PRKAR2A: variants seen among roughly 807,000 people sequenced by gnomAD.
PRKAR2A encodes cAMP-dependent protein kinase type II-alpha regulatory subunit.
In PRKAR2A, 29 loss-of-function variants were observed where a neutral mutation model predicts 51.9. The observed-to-expected ratio is 0.56, with a 90% CI of 0.42 to 0.76. PRKAR2A has a LOEUF of 0.76. Among genes scored for constraint, PRKAR2A ranks in the 30% least tolerant of loss-of-function variants. PRKAR2A has a pLI of 0.00. For missense variants in PRKAR2A, 445 were observed against 512.1 expected (o/e 0.87, Z 1.26); for synonymous variants, 178 against 186.2 (o/e 0.96, Z 0.36).
At chr3:48,806,948 C>T (rs913266749) in intron 2 of PRKAR2A, among the ~76,000 whole-genome samples, 1 of 151,688 alleles carries the variant, frequency 6.6e-6, no homozygotes, top group Non-Finnish European at 1.5e-5. Context: ...TTTTTTTGTA[C>T]TTTTAGTAGA....
intron 2 of PRKAR2A, 143 bp downstream of exon 2, chr3:48,807,504 CAG>C: frequency 9.4e-6 from 6 of 635,674 alleles, no homozygotes; most frequent in Non-Finnish European, 1.4e-5. Flanking sequence ...AAAATAAAAA[CAG>C]AATAAAGAAA....
At chr3:48,842,162 T>C (rs952876987) in intron 1 of PRKAR2A, among the ~76,000 whole-genome samples, 3 of 152,184 alleles carry the variant, frequency 2.0e-5, no homozygotes, top group African/African-American at 7.2e-5. Flanking sequence ...GGTATTTTAT[T>C]CTCTTTGAAG....
intron 1 of PRKAR2A, among the ~76,000 whole-genome samples, chr3:48,813,089 G>A (rs140838075): frequency 5.3e-5 from 8 of 152,120 alleles, no homozygotes; most frequent in African/African-American, 1.4e-4. Context: ...TAGAAATTTG[G>A]GCAAGAGAGC....
chr3:48,798,259 A>T (rs1461029534), intron 2 of PRKAR2A, among the ~76,000 whole-genome samples: 1 of 152,072 alleles, frequency 6.6e-6, no homozygotes, highest in Non-Finnish European at 1.5e-5. Context: ...AGCCTCCTAG[A>T]CATTTCTATT....
At chr3:48,775,590 C>T (rs1445369506) in intron 5 of PRKAR2A, among the ~76,000 whole-genome samples, 1 of 151,164 alleles carries the variant, frequency 6.6e-6, no homozygotes, top group African/African-American at 2.4e-5. Context: ...TCAGTTTCTG[C>T]AAGATAATTA....
chr3:48,785,746 A>C (rs1482056572), intron 4 of PRKAR2A, among the ~76,000 whole-genome samples: 1 of 152,146 alleles, frequency 6.6e-6, no homozygotes, highest in Non-Finnish European at 1.5e-5. Flanking sequence ...TTAGTGGTGA[A>C]GGGTCATGAT....
chr3:48,793,249 T>C (rs1229898053), intron 3 of PRKAR2A, among the ~76,000 whole-genome samples: 2 of 152,168 alleles, frequency 1.3e-5, no homozygotes, highest in African/African-American at 2.4e-5. Context: ...GAATGTACCA[T>C]AATTTAGGCC....
chr3:48,750,385 T>A lies in PRKAR2A; in HGVS notation c.*1200A>T, dbSNP rs556082333. 834 of 152,376 alleles carry A rather than the reference T, an allele frequency of 5.5e-3. 4 individuals carry two copies. Among genetic ancestry groups the A allele is most frequent in the Middle Eastern group, 0.024 (7 of 294 alleles). The allele number at this position is 152,376 out of a possible 1,614,324, so 9.4% of individuals were successfully genotyped here. On this transcript the variant is annotated 3_prime_UTR_variant, in exon 11 of 11. Coordinates refer to ENST00000265563, the MANE Select transcript of PRKAR2A (RefSeq NM_004157.4). ...TCTCAAAAAGAAAACAAAAAAAAAATTTTTGTTTTTGTAGAGACAGGATCT... is the reference window on the plus strand; with the variant it reads ...TCTCAAAAAGAAAACAAAAAAAAAAATTTTGTTTTTGTAGAGACAGGATCT...
In PRKAR2A at chr3:48,795,197, C is replaced by T. The variant is rs559260533; in HGVS notation, c.299-1148G>A. Reference sequence around the variant, plus strand: ...TTCACCGTGTTAGCCAGGATGGTCTCGATCTCCTGACCTCAACCACCCGCC... The same window carrying T: ...TTCACCGTGTTAGCCAGGATGGTCTTGATCTCCTGACCTCAACCACCCGCC... On this transcript the variant is annotated intron_variant, in intron 2 of 10. Coordinates refer to ENST00000265563, the MANE Select transcript of PRKAR2A (RefSeq NM_004157.4). 2.0e-3 allele frequency among the ~76,000 whole-genome samples: 304 copies of T among 152,176 alleles called. 2 individuals are homozygous for T. Among genetic ancestry groups the T allele is most frequent in the African/African-American group, 6.9e-3 (287 of 41,538 alleles).
At chr3:48,772,837 T>G (rs1293442537) in intron 6 of PRKAR2A, 118 bp downstream of exon 6, 27 of 1,080,074 alleles carry the variant, frequency 2.5e-5, no homozygotes, top group Non-Finnish European at 2.9e-5. Flanking sequence ...AGAGATGGGG[T>G]TTCACCGTGT....
chr3:48,829,265 T>C (rs2107431651), intron 1 of PRKAR2A, among the ~76,000 whole-genome samples: 1 of 150,420 alleles, frequency 6.6e-6, no homozygotes, highest in Middle Eastern at 3.4e-3. Flanking sequence ...ACGCCTGTAA[T>C]CCCAGCGCTT....
chr3:48,816,694 C>T (rs2082880457), intron 1 of PRKAR2A, among the ~76,000 whole-genome samples: 1 of 152,134 alleles, frequency 6.6e-6, no homozygotes, highest in Admixed American at 6.6e-5. Context: ...AAACTTCAGC[C>T]TGCAGATAGT....
chr3:48,784,723 A>T (rs1410626201), intron 4 of PRKAR2A, among the ~76,000 whole-genome samples: 3 of 152,240 alleles, frequency 2.0e-5, no homozygotes, highest in African/African-American at 4.8e-5. Context: ...AAATACAGTA[A>T]GTCCTCAATG....
intron 5 of PRKAR2A, among the ~76,000 whole-genome samples, chr3:48,775,579 T>G (rs1285322103): frequency 6.6e-6 from 1 of 151,432 alleles, no homozygotes; most frequent in Non-Finnish European, 1.5e-5. Context: ...ACATAAACTT[T>G]TCAGTTTCTG....
At chr3:48,773,350 T>TC (rs2082058233) in intron 5 of PRKAR2A, among the ~76,000 whole-genome samples, 1 of 142,284 alleles carries the variant, frequency 7.0e-6, no homozygotes, top group African/African-American at 2.6e-5. Context: ...TTTTTTTTTT[T>TC]TTTTTTTTTT....
rs551947827 is a variant in PRKAR2A, at chr3:48,821,425, T to C, written c.263-13741A>G. ...ATTTTCCAATCAAAACTCTTACTGA[T>C]AATCCAATTTCCCAAGAATTTTTAA... On this transcript the variant is annotated intron_variant, in intron 1 of 10. Transcript: ENST00000265563. 2.6e-5 allele frequency among the ~76,000 whole-genome samples: 4 copies of C among 152,234 alleles called. No homozygotes were observed. The South Asian group carries it at 8.3e-4, about 31-fold the overall frequency.
chr3:48,835,341 A>G (rs2083263903), intron 1 of PRKAR2A, among the ~76,000 whole-genome samples: 1 of 150,984 alleles, frequency 6.6e-6, no homozygotes, highest in Non-Finnish European at 1.5e-5. Context: ...ATCTCTACTG[A>G]AAAAAAATGG....
intron 3 of PRKAR2A, among the ~76,000 whole-genome samples, chr3:48,791,625 G>C (rs1175291784): frequency 6.9e-6 from 1 of 143,978 alleles, no homozygotes; most frequent in Non-Finnish European, 1.5e-5. Context: ...AGCTGGGCAT[G>C]GTGGCTCACT....
At chr3:48,778,992 A>G (rs1234077625) in intron 5 of PRKAR2A, among the ~76,000 whole-genome samples, 1 of 151,690 alleles carries the variant, frequency 6.6e-6, no homozygotes, top group African/African-American at 2.4e-5. Context: ...TGTCCAGCTA[A>G]TTTTTTGTAT....
Sources: allele counts gnomAD v4.1 joint callset (sites outside exome capture counted in the v4.1 genomes callset), GRCh38; gene constraint gnomAD v4.1.1; transcripts MANE v1.5; gene names NCBI Gene and HGNC (gene_info 2026-07-23, HGNC 2026-07-21).